TRPC4AP: variants seen among roughly 807,000 people sequenced by gnomAD.
TRPC4AP encodes short transient receptor potential channel 4-associated protein.
In TRPC4AP, 45 loss-of-function variants were observed where a neutral mutation model predicts 99.0. That is an observed-to-expected ratio of 0.45 (90% CI 0.36 to 0.58). The LOEUF (loss-of-function observed/expected upper bound fraction) is 0.58, where lower values mean the gene tolerates loss of function less well. Ranked by LOEUF, TRPC4AP falls within the 20% of genes least tolerant of loss-of-function variation. The probability of loss-of-function intolerance (pLI) is 0.00; values close to 1 mark genes in which losing one functional copy is unlikely to be tolerated. For missense variants in TRPC4AP, 879 were observed against 985.3 expected, an observed-to-expected ratio of 0.89 and a Z score of 1.44; for synonymous variants, 408 against 385.8, an observed-to-expected ratio of 1.06 and a Z score of -0.67.
At chr20:35,061,613 AG>A (rs1227253191) in intron 3 of TRPC4AP, among the ~76,000 whole-genome samples, 1 of 152,244 alleles carries the variant, frequency 6.6e-6, no homozygotes, top group African/African-American at 2.4e-5. Flanking sequence ...CAATGATGAA[AG>A]AGTAGTTTTT....
intron 14 of TRPC4AP, 92 bp downstream of exon 14, chr20:35,007,458 C>T (rs1279689042): frequency 2.0e-5 from 26 of 1,327,702 alleles, no homozygotes; most frequent in Middle Eastern, 4.2e-4. Context: ...CTGCTCTGCT[C>T]CTGATGAACT....
chr20:35,080,622 T>A (rs2084614979), intron 1 of TRPC4AP, among the ~76,000 whole-genome samples: 1 of 149,328 alleles, frequency 6.7e-6, no homozygotes, highest in Non-Finnish European at 1.5e-5. Context: ...ATGTCCAGAA[T>A]AAGCATATCC....
intron 5 of TRPC4AP, among the ~76,000 whole-genome samples, chr20:35,052,345 C>T (rs571708538): frequency 6.6e-6 from 1 of 152,168 alleles, no homozygotes; most frequent in South Asian, 2.1e-4. Context: ...TCTCCTGCCT[C>T]GGCCTATCAA....
In TRPC4AP at chr20:35,044,692, TTCA is replaced by T. The variant is rs1441616764; in HGVS notation, c.675_677del (p.Asp225del). The T allele has an allele frequency of 1.2e-6, 2 of 1,614,058 alleles. No homozygotes were observed. The highest frequency in any genetic ancestry group is 1.7e-6 in the Non-Finnish European group (2 of 1,180,034). On this transcript the variant is annotated inframe_deletion, in exon 7 of 19. Transcript: ENST00000252015. The stretch of plus-strand genomic sequence containing the variant: ...ATACTAAGGAACTCAGATTGGGGAC[TTCA>T]TCTAGTCGGATCATTTCCTACAGAA...
chr20:35,086,547 G>GTATATATATATA (rs1569158121), intron 1 of TRPC4AP, among the ~76,000 whole-genome samples: 4 of 107,046 alleles, frequency 3.7e-5, no homozygotes, highest in African/African-American at 1.3e-4. Flanking sequence ...GTGTGTGTGT[G>GTATATATATATA]TGTGTGTGTG....
At chr20:35,039,576 CTT>C (rs1380763782) in intron 7 of TRPC4AP, among the ~76,000 whole-genome samples, 1 of 152,226 alleles carries the variant, frequency 6.6e-6, no homozygotes, top group Admixed American at 6.5e-5. Flanking sequence ...CCTCTTCTCT[CTT>C]CTCACTGTTG....
At chr20:35,044,838 CTG>C in intron 6 of TRPC4AP, 126 bp from the exon 7 acceptor site, 1 of 826,230 alleles carries the variant, frequency 1.2e-6, no homozygotes, top group Non-Finnish European at 1.9e-6. Flanking sequence ...TATCCCAGCT[CTG>C]TAACTTGCAG....
At chr20:35,052,681 G>A (rs1222687599) in intron 5 of TRPC4AP, among the ~76,000 whole-genome samples, 1 of 151,526 alleles carries the variant, frequency 6.6e-6, no homozygotes, top group Non-Finnish European at 1.5e-5. Context: ...TAGTACAGAC[G>A]GGGTTTCACC....
At chr20:35,029,547 G>A (rs936136390) in intron 8 of TRPC4AP, among the ~76,000 whole-genome samples, 1 of 142,224 alleles carries the variant, frequency 7.0e-6, no homozygotes, top group Non-Finnish European at 1.6e-5. Flanking sequence ...ATCTCCTTTA[G>A]TGTTTCTTTT....
intron 2 of TRPC4AP, among the ~76,000 whole-genome samples, chr20:35,076,316 T>C (rs1403891466): frequency 6.6e-6 from 1 of 152,222 alleles, no homozygotes; most frequent in Non-Finnish European, 1.5e-5. Flanking sequence ...AGGAGCTGTG[T>C]TCCTTTGGAG....
Position 35,078,157 on chromosome 20 carries a change from CAA to C in TRPC4AP, c.184_185del (p.Leu62AspfsTer28). On this transcript the variant is annotated frameshift_variant, in exon 2 of 19. Transcript: ENST00000252015. LOFTEE classifies it high-confidence loss of function. ...VRAVQFTETF[L>X]TERDKQSKWS... Reference sequence around the variant, plus strand: ...ACTTGGATTGTTTGTCCCTCTCCGTCAAAAAAGTCTCAGTGAACTGTGAGTCA... The same window carrying C: ...ACTTGGATTGTTTGTCCCTCTCCGTCAAAAGTCTCAGTGAACTGTGAGTCA... The C allele has an allele frequency of 6.2e-7, 1 of 1,612,820 alleles. No homozygotes were observed. The highest frequency in any genetic ancestry group is 8.5e-7 in the Non-Finnish European group (1 of 1,179,450).
intron 2 of TRPC4AP, among the ~76,000 whole-genome samples, chr20:35,071,036 T>G (rs371020970): frequency 4.5e-4 from 69 of 152,230 alleles, no homozygotes; most frequent in African/African-American, 1.6e-3. Flanking sequence ...GCAAATAATG[T>G]GCAACTCTTT....
chr20:35,030,949 T>C (rs1046163362), intron 8 of TRPC4AP, among the ~76,000 whole-genome samples: 2 of 152,244 alleles, frequency 1.3e-5, no homozygotes, highest in Non-Finnish European at 2.9e-5. Context: ...TTCTCATAAG[T>C]CGGTATGCTG....
chr20:35,004,976 C>T (rs1178576655), intron 16 of TRPC4AP, among the ~76,000 whole-genome samples: 1 of 152,188 alleles, frequency 6.6e-6, no homozygotes, highest in African/African-American at 2.4e-5. Flanking sequence ...TGGTTTTCCA[C>T]ACCAGCTCTC....
At chr20:35,073,897 C>A (rs1443800164) in intron 2 of TRPC4AP, among the ~76,000 whole-genome samples, 1 of 152,166 alleles carries the variant, frequency 6.6e-6, no homozygotes, top group East Asian at 1.9e-4. Context: ...TCCGTCTGGT[C>A]CTGGACTTTT....
intron 9 of TRPC4AP, among the ~76,000 whole-genome samples, chr20:35,016,983 G>A (rs2082769990): frequency 6.6e-6 from 1 of 152,220 alleles, no homozygotes; most frequent in Admixed American, 6.5e-5. Context: ...ACAGGGAAGA[G>A]TGTTTGGCAG....
chr20:35,038,780 A>C (rs1214090516), intron 7 of TRPC4AP, among the ~76,000 whole-genome samples: 5 of 152,352 alleles, frequency 3.3e-5, no homozygotes, highest in African/African-American at 1.2e-4. Context: ...TTTTCTAAAA[A>C]CAAATCAGTA....
intron 9 of TRPC4AP, 122 bp from the exon 10 acceptor site, chr20:35,016,261 G>A (rs1205500248): frequency 2.5e-6 from 3 of 1,196,698 alleles, no homozygotes; most frequent in Non-Finnish European, 3.6e-6. Flanking sequence ...CAGTAAGGAG[G>A]GCCAGGGTCT....
chr20:35,029,781 G>A (rs1371572307), intron 8 of TRPC4AP, among the ~76,000 whole-genome samples: 52 of 148,740 alleles, frequency 3.5e-4, no homozygotes, highest in Middle Eastern at 6.9e-3. Context: ...GACTACAGGC[G>A]CCCGCCACCA....
Sources: gnomAD v4.1 joint callset for allele counts (sites outside exome capture counted in the v4.1 genomes callset) on GRCh38, gnomAD v4.1.1 for gene constraint, MANE v1.5 for transcripts, NCBI Gene and HGNC (gene_info 2026-07-23, HGNC 2026-07-21) for gene names.